The following NRP1 variants were observed in gnomAD, a reference collection of about 807,000 sequenced individuals.
NRP1 encodes neuropilin-1.
In NRP1, 35 loss-of-function variants were observed where a neutral mutation model predicts 106.7. That is an observed-to-expected ratio of 0.33 (90% CI 0.25 to 0.43). The LOEUF is 0.43. NRP1 is among the 20% of genes least tolerant of loss of function. The pLI is 1.00. For missense variants in NRP1, 1,024 were observed against 1,170.4 expected (o/e 0.87, Z 1.83); for synonymous variants, 437 against 417.9 (o/e 1.05, Z -0.56).
In NRP1 at chr10:33,285,880, G is replaced by T. The variant is rs1479642382; in HGVS notation, c.249-15024C>A. ...AAACAAAACAAACAACAACAACAAA[G>T]AAAACCTACAAGAAGGGGAAATTCC... On this transcript the variant is annotated intron_variant, in intron 2 of 16. Transcript: ENST00000374867. 2.0e-5 allele frequency among the ~76,000 whole-genome samples: 3 copies of T among 150,086 alleles called. No homozygotes were observed. The East Asian group carries it at 5.8e-4, about 29-fold the overall frequency.
intron 2 of NRP1, among the ~76,000 whole-genome samples, chr10:33,291,458 T>C (rs190016481): frequency 1.3e-5 from 2 of 152,330 alleles, no homozygotes; most frequent in East Asian, 3.9e-4. Context: ...TCCCATCATT[T>C]GCTGCTTCAG....
intron 2 of NRP1, among the ~76,000 whole-genome samples, chr10:33,272,395 C>T (rs552676267): frequency 2.0e-5 from 3 of 152,248 alleles, no homozygotes; most frequent in East Asian, 1.9e-4. Context: ...CTAACACCAC[C>T]GTCCCTTTGC....
At chr10:33,181,340 G>C (rs962025828) in intron 16 of NRP1, among the ~76,000 whole-genome samples, 1 of 152,218 alleles carries the variant, frequency 6.6e-6, no homozygotes, top group African/African-American at 2.4e-5. Context: ...ATATTGTTTT[G>C]AAACAACCTC....
At chr10:33,221,144 G>C (rs1839212038) in intron 8 of NRP1, among the ~76,000 whole-genome samples, 1 of 152,118 alleles carries the variant, frequency 6.6e-6, no homozygotes, top group Non-Finnish European at 1.5e-5. Flanking sequence ...CTGGAAGGTT[G>C]AGGGTGCAGT....
At chr10:33,237,262 T>TA in intron 6 of NRP1, among the ~76,000 whole-genome samples, 1 of 152,234 alleles carries the variant, frequency 6.6e-6, no homozygotes, top group African/African-American at 2.4e-5. Context: ...GTAATGATGT[T>TA]ATGAGACTGA....
intron 4 of NRP1, among the ~76,000 whole-genome samples, chr10:33,262,729 C>T (rs1042456282): frequency 6.9e-6 from 1 of 144,200 alleles, no homozygotes; most frequent in Admixed American, 6.9e-5. Context: ...AAAAGTCTAA[C>T]CTCACCACCC....
chr10:33,260,972 T>C (rs1394817008), intron 4 of NRP1, among the ~76,000 whole-genome samples: 1 of 119,490 alleles, frequency 8.4e-6, no homozygotes, highest in African/African-American at 3.3e-5. Flanking sequence ...CAAATGTTTC[T>C]AGTGCCATTG....
chr10:33,301,099 C>A (rs926589993), intron 2 of NRP1, among the ~76,000 whole-genome samples: 1 of 152,182 alleles, frequency 6.6e-6, no homozygotes, highest in African/African-American at 2.4e-5. Context: ...CGTTGCCACA[C>A]AAAACAACAC....
rs76111205 is a variant in NRP1, at chr10:33,256,963, C to T, written c.659-492G>A. Reference sequence around the variant, plus strand: ...TGATCAGTCCCAGGGGTCTGATCCACGATTGACCTGCAATTGGCTTCCTCA... The same window carrying T: ...TGATCAGTCCCAGGGGTCTGATCCATGATTGACCTGCAATTGGCTTCCTCA... On this transcript the variant is annotated intron_variant, in intron 4 of 16. Coordinates refer to ENST00000374867, the MANE Select transcript of NRP1 (RefSeq NM_003873.7). Among the ~76,000 whole-genome samples, 146 of 152,222 alleles carry T rather than the reference C, an allele frequency of 9.6e-4. 1 individual carries two copies. The highest frequency in any genetic ancestry group is 3.5e-3 in the African/African-American group (145 of 41,526).
chr10:33,180,053 T>C lies in NRP1; in HGVS notation c.*23A>G. The C allele has an allele frequency of 6.2e-7, 1 of 1,609,234 alleles. No individual in the cohort carries two copies. The highest frequency in any genetic ancestry group is 8.5e-7 in the Non-Finnish European group (1 of 1,177,054). On this transcript the variant is annotated 3_prime_UTR_variant, in exon 17 of 17. Coordinates refer to ENST00000374867, the MANE Select transcript of NRP1 (RefSeq NM_003873.7). Reference sequence around the variant, plus strand: ...CGTCCTTCCACTTCCGTCCTTTGACTGTCTTTTCATCTCTGTCTGCCTTCA... The same window carrying C: ...CGTCCTTCCACTTCCGTCCTTTGACCGTCTTTTCATCTCTGTCTGCCTTCA...
intron 2 of NRP1, 34 bp from the exon 3 acceptor site, chr10:33,270,890 G>T (rs1485038209): frequency 1.3e-6 from 2 of 1,513,094 alleles, no homozygotes; most frequent in Non-Finnish European, 1.8e-6. Flanking sequence ...ACATTAGGTT[G>T]GTGAGAAATG....
chr10:33,221,775 G>A lies in NRP1; in HGVS notation c.1226C>T (p.Ala409Val). Reference sequence around the variant, plus strand: ...CATAGATATGCCAGTTTCCCAAGTTGCAGGCTTGATTCGGACAAATCGAGT... The same window carrying A: ...CATAGATATGCCAGTTTCCCAAGTTACAGGCTTGATTCGGACAAATCGAGT... ...LITRFVRIKP[A>V]TWETGISMRF... The change falls in exon 8 of 17, where the codon GCA becomes GTA. Residue 409 changes from alanine to valine, a missense_variant. Ala to Val is a moderately conservative substitution (Grantham distance 64). Around this residue, in one of 5 missense-constraint regions of NRP1, gnomAD observed 562 missense variants for 620.3 expected, o/e 0.91. Transcript: ENST00000374867. 1 of 1,614,102 alleles carries A rather than the reference G, an allele frequency of 6.2e-7. No homozygotes were observed. The highest frequency in any genetic ancestry group is 8.5e-7 in the Non-Finnish European group (1 of 1,179,972).
chr10:33,236,131 G>A (rs1840534009), intron 6 of NRP1, among the ~76,000 whole-genome samples: 1 of 152,168 alleles, frequency 6.6e-6, no homozygotes, highest in Non-Finnish European at 1.5e-5. Context: ...CCTTTGATTT[G>A]GAAAGAGGAC....
At chr10:33,289,199 T>C (rs1844803509) in intron 2 of NRP1, among the ~76,000 whole-genome samples, 1 of 152,206 alleles carries the variant, frequency 6.6e-6, no homozygotes, top group Non-Finnish European at 1.5e-5. Context: ...CATAAATCAC[T>C]TCTGGGAAAA....
At chr10:33,325,974 C>T (rs1011126431) in intron 2 of NRP1, among the ~76,000 whole-genome samples, 3 of 152,086 alleles carry the variant, frequency 2.0e-5, no homozygotes, top group African/African-American at 2.4e-5. Flanking sequence ...GGTTTGAGTC[C>T]CCCAATGCTA....
rs201468191 is a variant in NRP1, at chr10:33,322,576, T to C, written c.248+8132A>G. 3.1e-4 allele frequency among the ~76,000 whole-genome samples: 47 copies of C among 152,086 alleles called. No individual in the cohort carries two copies. In the East Asian group the frequency reaches 7.8e-3, roughly 25 times the overall value. On this transcript the variant is annotated intron_variant, in intron 2 of 16. Coordinates refer to ENST00000374867, the MANE Select transcript of NRP1 (RefSeq NM_003873.7). ...TTTTTTATTTTTTGTAGAGAGAGGG[T>C]CTTGCTATGTTGCTCAGGCTAGCCT...
chr10:33,310,336 C>T lies in NRP1; in HGVS notation c.248+20372G>A, dbSNP rs1292180206. Among the ~76,000 whole-genome samples, 25 of 148,826 alleles carry T rather than the reference C, an allele frequency of 1.7e-4. No individual in the cohort carries two copies. In the Middle Eastern group the frequency reaches 0.011, roughly 63 times the overall value. ...CACCATCTCGGCTCACTGCAACCTC[C>T]GCCTCCCAGGTTCAAGCGATTCTCC... On this transcript the variant is annotated intron_variant, in intron 2 of 16. Transcript: ENST00000374867.
Position 33,281,581 on chromosome 10 carries a change from G to A in NRP1, c.249-10725C>T, listed in dbSNP as rs75043378. On this transcript the variant is annotated intron_variant, in intron 2 of 16. Coordinates refer to ENST00000374867, the MANE Select transcript of NRP1 (RefSeq NM_003873.7). The stretch of plus-strand genomic sequence containing the variant: ...GGAGGTGACATCTACCTGACATCTG[G>A]CAGTGAAGTCAGCCAAAACTGGATG... Among the ~76,000 whole-genome samples, 905 of 152,232 alleles carry A rather than the reference G, an allele frequency of 5.9e-3. 5 individuals carry two copies. Among genetic ancestry groups the A allele is most frequent in the Non-Finnish European group, 0.011 (756 of 68,000 alleles).
intron 2 of NRP1, among the ~76,000 whole-genome samples, chr10:33,274,067 C>T (rs557504075): frequency 6.6e-5 from 10 of 152,298 alleles, no homozygotes; most frequent in African/African-American, 2.2e-4. Context: ...TACCTTAAAC[C>T]TTCCCCATTC....
Sources: gnomAD v4.1 joint callset for allele counts (sites outside exome capture counted in the v4.1 genomes callset) on GRCh38, gnomAD v4.1.1 for gene constraint, gnomAD v4.1.1 regional missense constraint, MANE v1.5 for transcripts, NCBI Gene and HGNC (gene_info 2026-07-23, HGNC 2026-07-21) for gene names.